Variants in SLC16A7 observed in about 807,000 individuals in gnomAD.
SLC16A7 encodes the protein monocarboxylate transporter 2.
In SLC16A7, 33 loss-of-function variants were observed where a neutral mutation model predicts 34.9. The observed-to-expected ratio is 0.94, with a 90% CI of 0.72 to 1.26. The LOEUF is 1.26. Among genes scored for constraint, SLC16A7 ranks in the 50% most tolerant of loss-of-function variants. SLC16A7 has a pLI of 0.00. For missense variants in SLC16A7, 573 were observed against 578.1 expected (o/e 0.99, Z 0.09); for synonymous variants, 201 against 206.6 (o/e 0.97, Z 0.23).
intron 2 of SLC16A7, among the ~76,000 whole-genome samples, chr12:59,679,133 G>A (rs192902410): frequency 0.071 from 10,827 of 152,250 alleles, 425 homozygotes; most frequent in Middle Eastern, 0.17. Flanking sequence ...AGCATCCACA[G>A]TGTGGCTTGG....
At position 59,725,522 on chromosome 12, in the gene SLC16A7, C is replaced by A. The variant is rs766928992; in HGVS notation, c.217+20504C>A. ...CATCAGTTTCTTTCATTAGAAATAACTTTTCTCTGCCAAATTATTTCATCA... is the reference window on the plus strand; with the variant it reads ...CATCAGTTTCTTTCATTAGAAATAAATTTTCTCTGCCAAATTATTTCATCA... On this transcript the variant is annotated intron_variant, in intron 3 of 5. Transcript: ENST00000547379. Among the ~76,000 whole-genome samples the A allele has an allele frequency of 1.8e-4, 28 of 152,158 alleles. No individual in the cohort carries two copies. The Middle Eastern group carries it at 0.014, about 74-fold the overall frequency.
chr12:59,720,876 C>G (rs1357735396), intron 3 of SLC16A7, among the ~76,000 whole-genome samples: 1 of 151,992 alleles, frequency 6.6e-6, no homozygotes, highest in East Asian at 1.9e-4. Context: ...TTTCACCTTC[C>G]TTACCATCTA....
chr12:59,751,310 A>G (rs1384088426), intron 3 of SLC16A7, among the ~76,000 whole-genome samples: 1 of 152,222 alleles, frequency 6.6e-6, no homozygotes, highest in Non-Finnish European at 1.5e-5. Flanking sequence ...GCATTGCCTC[A>G]CTCGGGAAGC....
At chr12:59,759,984 T>C (rs868214798) in intron 3 of SLC16A7, among the ~76,000 whole-genome samples, 16 of 152,174 alleles carry the variant, frequency 1.1e-4, no homozygotes, top group Middle Eastern at 3.4e-3. Flanking sequence ...AAAATAAATA[T>C]GTTTCTTGTG....
intron 3 of SLC16A7, among the ~76,000 whole-genome samples, chr12:59,770,892 C>T (rs74096453): frequency 0.037 from 5,590 of 152,180 alleles, 309 homozygotes; most frequent in African/African-American, 0.13. Context: ...AATTTACTTG[C>T]ATCTTTTAAG....
intron 3 of SLC16A7, among the ~76,000 whole-genome samples, chr12:59,739,969 G>A (rs1376654171): frequency 3.3e-5 from 5 of 151,954 alleles, no homozygotes; most frequent in Admixed American, 3.3e-4. Flanking sequence ...AGTAGGTTGG[G>A]AAAATTTTCT....
chr12:59,618,138 T>G (rs921714575), intron 1 of SLC16A7, among the ~76,000 whole-genome samples: 3 of 151,928 alleles, frequency 2.0e-5, no homozygotes, highest in Non-Finnish European at 4.4e-5. Context: ...CCAAATTATC[T>G]TTCTTTTTAG....
At chr12:59,705,078 T>A in intron 3 of SLC16A7, 60 bp downstream of exon 3, 1 of 1,150,540 alleles carries the variant, frequency 8.7e-7, no homozygotes, top group Non-Finnish European at 1.3e-6. Context: ...CATGTCACAA[T>A]GTTTTACATG....
intron 2 of SLC16A7, among the ~76,000 whole-genome samples, chr12:59,681,149 T>C (rs1479083007): frequency 6.6e-6 from 1 of 152,172 alleles, no homozygotes; most frequent in Non-Finnish European, 1.5e-5. Context: ...TCTTAAAACA[T>C]CATTGTGTTT....
At chr12:59,620,085 C>A (rs1207867859) in intron 1 of SLC16A7, among the ~76,000 whole-genome samples, 1 of 151,862 alleles carries the variant, frequency 6.6e-6, no homozygotes, top group African/African-American at 2.4e-5. Flanking sequence ...ACAGAGAGGG[C>A]AGCTGCCTAA....
intron 2 of SLC16A7, among the ~76,000 whole-genome samples, chr12:59,672,077 ATATGTGTATATAT>A (rs1869867344): frequency 0.17 from 1 of 6 alleles, no homozygotes; most frequent in Non-Finnish European, 0.5. Context: ...ATCCGTATAT[ATATGTGTATATAT>A]CGCATATATC....
chr12:59,691,991 A>G (rs940974517), intron 2 of SLC16A7, among the ~76,000 whole-genome samples: 1 of 151,976 alleles, frequency 6.6e-6, no homozygotes, highest in South Asian at 2.1e-4. Flanking sequence ...AACTACTACA[A>G]ACTTGGTGGC....
At position 59,609,258 on chromosome 12, in the gene SLC16A7, T is replaced by A. The variant is rs1427299066; in HGVS notation, c.-130+13022T>A. 2.6e-5 allele frequency among the ~76,000 whole-genome samples: 4 copies of A among 152,326 alleles called. No homozygotes were observed. The East Asian group carries it at 7.7e-4, about 29-fold the overall frequency. On this transcript the variant is annotated intron_variant, in intron 1 of 5. Coordinates refer to ENST00000547379, the MANE Select transcript of SLC16A7 (RefSeq NM_001270623.2). ...GGGAATTCAATAGGCTTGAAGAACA[T>A]ACAGTGTCCTGGGACAAAGTCCGTT... is the stretch of plus-strand genomic sequence containing the variant.
chr12:59,646,238 G>A (rs1316752010), intron 1 of SLC16A7, among the ~76,000 whole-genome samples: 1 of 152,164 alleles, frequency 6.6e-6, no homozygotes, highest in Non-Finnish European at 1.5e-5. Flanking sequence ...TTCCGTCACA[G>A]GCTTGGAGGC....
chr12:59,666,132 A>G (rs1396679336), intron 2 of SLC16A7, among the ~76,000 whole-genome samples: 3 of 152,152 alleles, frequency 2.0e-5, no homozygotes, highest in African/African-American at 7.2e-5. Flanking sequence ...AGAGGGAAAC[A>G]ACAACAGTTA....
At chr12:59,690,202 A>G (rs1157571155) in intron 2 of SLC16A7, among the ~76,000 whole-genome samples, 1 of 152,048 alleles carries the variant, frequency 6.6e-6, no homozygotes, top group Non-Finnish European at 1.5e-5. Context: ...GGTAACATGT[A>G]AAACTCTCAG....
At chr12:59,729,748 T>G (rs1463359372) in intron 3 of SLC16A7, among the ~76,000 whole-genome samples, 1 of 152,168 alleles carries the variant, frequency 6.6e-6, no homozygotes, top group East Asian at 1.9e-4. Context: ...ATTTGTCACT[T>G]AAAATTGACC....
chr12:59,698,765 G>A (rs988562899), intron 2 of SLC16A7, among the ~76,000 whole-genome samples: 1 of 151,728 alleles, frequency 6.6e-6, no homozygotes, highest in African/African-American at 2.4e-5. Flanking sequence ...CTGTAGAAAT[G>A]CCAAACCATG....
At chr12:59,639,000 G>C (rs1592421382) in intron 1 of SLC16A7, among the ~76,000 whole-genome samples, 1 of 152,090 alleles carries the variant, frequency 6.6e-6, no homozygotes, top group Non-Finnish European at 1.5e-5. Context: ...CTTTAGACTT[G>C]AATAATTCTT....
Sources: allele counts gnomAD v4.1 joint callset (sites outside exome capture counted in the v4.1 genomes callset), GRCh38; gene constraint gnomAD v4.1.1; transcripts MANE v1.5; gene names NCBI Gene and HGNC (gene_info 2026-07-23, HGNC 2026-07-21).